The following ZNF845 variants were observed in gnomAD, a reference collection of about 807,000 sequenced individuals.
ZNF845 encodes the protein zinc finger protein 845.
ZNF845 carries 59 observed loss-of-function variants against 76.1 expected under a neutral mutation model. The ratio of observed to expected loss-of-function variants is 0.78; its 90% confidence interval spans 0.63 to 0.96. The LOEUF is 0.96. ZNF845 is among the 40% of genes least tolerant of loss of function. The pLI is 0.00. For missense variants in ZNF845, 1,045 were observed against 1,172.8 expected (o/e 0.89, Z 1.59); for synonymous variants, 361 against 386.9 (o/e 0.93, Z 0.78).
chr19:53,338,684 C>T (rs887920062), intron 1 of ZNF845, among the ~76,000 whole-genome samples: 1 of 139,166 alleles, frequency 7.2e-6, no homozygotes, highest in Non-Finnish European at 1.5e-5. Context: ...TTGCCTGTCA[C>T]AACACGTGAG....
intron 1 of ZNF845, among the ~76,000 whole-genome samples, chr19:53,335,435 A>ATT (rs954282006): frequency 2.7e-5 from 4 of 146,162 alleles, no homozygotes; most frequent in South Asian, 2.2e-4. Flanking sequence ...TAGGTTTTGT[A>ATT]TTTTTTTTTT....
chr19:53,343,342 A>G (rs1418305554), intron 2 of ZNF845, among the ~76,000 whole-genome samples: 1 of 152,140 alleles, frequency 6.6e-6, no homozygotes, highest in Non-Finnish European at 1.5e-5. Flanking sequence ...TGTTCTTTGC[A>G]ATTTTTCCCT....
At chr19:53,349,528 A>G (rs1355257885) in intron 3 of ZNF845, among the ~76,000 whole-genome samples, 1 of 151,838 alleles carries the variant, frequency 6.6e-6, no homozygotes, top group Non-Finnish European at 1.5e-5. Flanking sequence ...TCAGCCTCCC[A>G]AAGTGTTGGG....
intron 1 of ZNF845, among the ~76,000 whole-genome samples, chr19:53,340,112 C>T (rs542886381): frequency 3.0e-4 from 46 of 151,668 alleles, no homozygotes; most frequent in Non-Finnish European, 4.4e-4. Context: ...AGTGCAGTGC[C>T]GTGATCTTGG....
chr19:53,340,981 G>A, intron 1 of ZNF845: 1 of 463,644 alleles, frequency 2.2e-6, no homozygotes, highest in African/African-American at 2.0e-5. Flanking sequence ...TCTCAGTGGG[G>A]ACTTCTGTGA....
chr19:53,344,281 G>T (rs1313264890), intron 2 of ZNF845, among the ~76,000 whole-genome samples: 1 of 152,192 alleles, frequency 6.6e-6, no homozygotes. Context: ...GATCACGCCT[G>T]TAATCCTAGC....
In ZNF845 at chr19:53,351,497, T is replaced by C; in HGVS notation, c.822T>C (p.Asn274=). The C allele has an allele frequency of 6.2e-7, 1 of 1,614,230 alleles. No individual in the cohort carries two copies. The highest frequency in any genetic ancestry group is 8.5e-7 in the Non-Finnish European group (1 of 1,180,026). The change falls in exon 4 of 4, where the codon AAT becomes AAC. Residue 274 remains asparagine, a synonymous_variant. Transcript: ENST00000458035. ...CTGGCAAGAAACCTTACAAGTGTAA[T>C]GATTGTGGCAAGACCTTCAGTCAGG... ...CHTGKKPYKC[N]DCGKTFSQEL...
At chr19:53,336,633 C>CTTT (rs398035035) in intron 1 of ZNF845, among the ~76,000 whole-genome samples, 53 of 92,368 alleles carry the variant, frequency 5.7e-4, no homozygotes, top group African/African-American at 1.0e-3. Flanking sequence ...TTCTTTCTTT[C>CTTT]TTTTTTTTTT....
intron 2 of ZNF845, among the ~76,000 whole-genome samples, chr19:53,345,041 G>A (rs549273538): frequency 6.0e-4 from 92 of 152,262 alleles, no homozygotes; most frequent in African/African-American, 2.1e-3. Context: ...TAAGAAGGCC[G>A]GTGTGGTGGC....
intron 1 of ZNF845, among the ~76,000 whole-genome samples, chr19:53,338,917 A>G (rs1438800606): frequency 3.0e-5 from 2 of 66,298 alleles, no homozygotes; most frequent in Admixed American, 1.4e-4. Context: ...CATCTCTACT[A>G]AAAAAAAAAA....
rs1321198122 is a variant in ZNF845 at position 53,336,992 on chromosome 19, C to G, written c.-74+3200C>G. 6 of 390,838 alleles carry G rather than the reference C, an allele frequency of 1.5e-5. No individual in the cohort carries two copies. The Admixed American group carries it at 2.0e-4, about 13-fold the overall frequency. 24.2% of individuals were successfully genotyped at this position (390,838 alleles called of 1,614,324 possible). ...GCTGTGAGCTATTAAGTGCATGTTT[C>G]CCTCAAGGCACCTCTGGTCCATGTG... On this transcript the variant is annotated intron_variant, in intron 1 of 3. Transcript: ENST00000458035.
At chr19:53,335,781 T>C (rs1402797450) in intron 1 of ZNF845, among the ~76,000 whole-genome samples, 1 of 152,030 alleles carries the variant, frequency 6.6e-6, no homozygotes, top group African/African-American at 2.4e-5. Flanking sequence ...TTTGTGTTTT[T>C]AGTAGAGACG....
In ZNF845 at chr19:53,341,333, A is replaced by G. The variant is rs2147033866; in HGVS notation, c.15+11A>G. 5.6e-6 allele frequency: 9 copies of G among 1,613,822 alleles called. No homozygotes were observed. The highest frequency in any genetic ancestry group is 7.6e-6 in the Non-Finnish European group (9 of 1,179,852). On this transcript the variant is annotated intron_variant, in intron 2 of 3. Transcript: ENST00000458035. ...ATGGCTCTTTCTCAGGTGAGATGATATGTTGGGTGGATTGTTCTGTCTCCT... is the reference window on the plus strand; with the variant it reads ...ATGGCTCTTTCTCAGGTGAGATGATGTGTTGGGTGGATTGTTCTGTCTCCT...
rs750240008 is a variant in ZNF845, at chr19:53,351,257, T to C, written c.582T>C (p.Asn194=). The C allele has an allele frequency of 1.9e-5, 31 of 1,614,128 alleles. No individual in the cohort carries two copies. Among genetic ancestry groups the C allele is most frequent in the Non-Finnish European group, 2.5e-5 (30 of 1,180,044 alleles). ...CCCACATTTCTAAGAACTATGGGAA[T>C]AATTTCCTGAATTCTTCATTACTCA... ...PKTHISKNYG[N]NFLNSSLLTQ... is the part of the protein sequence containing the mutation. Residue 194 remains asparagine, a synonymous_variant, in exon 4 of 4, where the codon AAT becomes AAC. Coordinates refer to ENST00000458035, the MANE Select transcript of ZNF845 (RefSeq NM_138374.3).
In ZNF845 at chr19:53,352,317, G is replaced by A. The variant is rs1376327163; in HGVS notation, c.1642G>A (p.Glu548Lys). ...LTRHCRLHTG[E>K]KPYQCNECGK... ...ACGCCATTGTAGACTTCATACTGGA[G>A]AGAAACCTTACCAGTGTAATGAGTG... The change falls in exon 4 of 4, where the codon GAG becomes AAG. Residue 548 changes from glutamate (E) to lysine (K), a missense_variant. Physicochemically the swap from Glu to Lys is moderately conservative, Grantham distance 56. Transcript: ENST00000458035. 1.9e-6 allele frequency: 3 copies of A among 1,613,804 alleles called. No individual in the cohort carries two copies. The African/African-American group carries it at 4.0e-5, about 22-fold the overall frequency.
At chr19:53,342,058 T>C (rs1466926795) in intron 2 of ZNF845, among the ~76,000 whole-genome samples, 1 of 151,854 alleles carries the variant, frequency 6.6e-6, no homozygotes, top group African/African-American at 2.4e-5. Flanking sequence ...TTCATTTTTA[T>C]CCTAGAGGAT....
rs745704523 is a variant in ZNF845 at position 53,352,685 on chromosome 19, G to C, written c.2010G>C (p.Lys670Asn). The change falls in exon 4 of 4, where the codon AAG (lysine) becomes AAC (asparagine). Residue 670 changes from lysine (K) to asparagine (N), a missense_variant. Transcript: ENST00000458035. ...CTTACAGGTGTAATGAATGTGGCAA[G>C]ACCTTTAGTCGGAAGTCATACCTTA... ...EKPYRCNECG[K>N]TFSRKSYLTC... The C allele has an allele frequency of 6.2e-7, 1 of 1,613,642 alleles. No individual in the cohort carries two copies. Among genetic ancestry groups the C allele is most frequent in the South Asian group, 1.1e-5 (1 of 91,044 alleles).
In ZNF845 at chr19:53,351,563, G is replaced by A; in HGVS notation, c.888G>A (p.Glu296=). ...GCCATCATAGACTTCATACTGGAGA[G>A]AAACATTACAAGTGCAGTGAGTGTG... ...LTCHHRLHTG[E]KHYKCSECGK... Residue 296 remains glutamate (E), a synonymous_variant, in exon 4 of 4, where the codon GAG becomes GAA. Transcript: ENST00000458035. 6.2e-7 allele frequency: 1 copy of A among 1,614,166 alleles called. No individual in the cohort carries two copies. The highest frequency in any genetic ancestry group is 8.5e-7 in the Non-Finnish European group (1 of 1,179,994).
intron 3 of ZNF845, among the ~76,000 whole-genome samples, chr19:53,350,575 A>G (rs2085325823): frequency 6.6e-6 from 1 of 152,192 alleles, no homozygotes; most frequent in African/African-American, 2.4e-5. Flanking sequence ...TTAGGCTTAT[A>G]TACATTTGTG....
Sources: gnomAD v4.1 joint callset for allele counts (sites outside exome capture counted in the v4.1 genomes callset) on GRCh38, gnomAD v4.1.1 for gene constraint, MANE v1.5 for transcripts, NCBI Gene and HGNC (gene_info 2026-07-23, HGNC 2026-07-21) for gene names.